NUBPL: variants seen among roughly 807,000 people sequenced by gnomAD.
The protein encoded by NUBPL is NUBP iron-sulfur cluster assembly factor, mitochondrial.
Under a neutral mutation model 45.7 loss-of-function variants are expected in NUBPL, and 31 were observed. The observed-to-expected ratio is 0.68, with a 90% CI of 0.51 to 0.92. The LOEUF is 0.92. NUBPL is among the 40% of genes least tolerant of loss of function. The pLI, the probability that NUBPL is intolerant of heterozygous loss-of-function variation, is 0.00. For synonymous variants in NUBPL, 144 were observed against 140.9 expected, an observed-to-expected ratio of 1.02 and a Z score of -0.15; for missense variants, 401 against 398.7, an observed-to-expected ratio of 1.01 and a Z score of -0.05.
chr14:31,786,053 G>T (rs2039278264), intron 6 of NUBPL, among the ~76,000 whole-genome samples: 1 of 152,096 alleles, frequency 6.6e-6, no homozygotes, highest in Non-Finnish European at 1.5e-5. Context: ...AGCTATTAGG[G>T]AGGCTGAGGT....
intron 4 of NUBPL, among the ~76,000 whole-genome samples, chr14:31,667,510 C>G (rs1182487845): frequency 6.6e-6 from 1 of 151,908 alleles, no homozygotes; most frequent in African/African-American, 2.4e-5. Context: ...TCCTTTAGCT[C>G]AAAGGAGTTT....
At chr14:31,779,287 G>A (rs2039151059) in intron 6 of NUBPL, among the ~76,000 whole-genome samples, 2 of 151,740 alleles carry the variant, frequency 1.3e-5, no homozygotes, top group East Asian at 1.9e-4. Flanking sequence ...GCAGTGAGCC[G>A]AGATGGCGCC....
chr14:31,846,311 C>T (rs1039611499), intron 8 of NUBPL, 160 bp from the exon 9 acceptor site: 12 of 658,298 alleles, frequency 1.8e-5, no homozygotes, highest in Admixed American at 9.2e-5. Flanking sequence ...CTCTTACTAG[C>T]TCATGAGTTC....
chr14:31,597,986 G>C (rs1400539819), intron 3 of NUBPL, among the ~76,000 whole-genome samples: 1 of 152,084 alleles, frequency 6.6e-6, no homozygotes, highest in African/African-American at 2.4e-5. Flanking sequence ...CTCATTGACT[G>C]TTCCTCCCTT....
intron 6 of NUBPL, among the ~76,000 whole-genome samples, chr14:31,747,072 CAAAAAAAAAAAA>C (rs371061163): frequency 1.5e-5 from 1 of 65,536 alleles, no homozygotes; most frequent in East Asian, 4.7e-4. Context: ...AACCTGTCTC[CAAAAAAAAAAAA>C]AAAAAAAAAG....
intron 7 of NUBPL, among the ~76,000 whole-genome samples, chr14:31,817,509 G>T (rs2039941689): frequency 6.6e-6 from 1 of 152,182 alleles, no homozygotes; most frequent in South Asian, 2.1e-4. Flanking sequence ...CCAGAAGAGA[G>T]TAGTAGCCAA....
chr14:31,630,170 A>G (rs1007092247), intron 4 of NUBPL, among the ~76,000 whole-genome samples: 3 of 152,224 alleles, frequency 2.0e-5, no homozygotes, highest in South Asian at 2.1e-4. Flanking sequence ...GACTTGTGAA[A>G]AGAGAGACAA....
In NUBPL at chr14:31,771,795, C is replaced by T. The variant is rs557489957; in HGVS notation, c.514-15985C>T. 6.1e-6 allele frequency: 5 copies of T among 824,398 alleles called. No individual in the cohort carries two copies. In the South Asian group the frequency reaches 2.2e-4, roughly 37 times the overall value. The allele number at this position is 824,398 out of a possible 1,614,324, so 51.1% of individuals were successfully genotyped here. A position where few individuals can be genotyped will look rare whatever the true frequency, so the allele number is the denominator to read the frequency against. On this transcript the variant is annotated intron_variant, in intron 6 of 10. Transcript: ENST00000281081. ...CCTTGTGCTCTCCTTTACCTATTAC[C>T]CCACTTCTTCCATTTACCAGCCCAT...
At chr14:31,681,681 A>G (rs1002570714) in intron 6 of NUBPL, among the ~76,000 whole-genome samples, 3 of 152,072 alleles carry the variant, frequency 2.0e-5, no homozygotes, top group African/African-American at 4.8e-5. Context: ...AGTTAAGGCT[A>G]TAAATTTATC....
At chr14:31,773,762 A>G (rs1343831177) in intron 6 of NUBPL, among the ~76,000 whole-genome samples, 3 of 152,232 alleles carry the variant, frequency 2.0e-5, no homozygotes, top group Non-Finnish European at 2.9e-5. Context: ...AGCAAACTTG[A>G]TTATAGAATA....
rs557979325 is a variant in NUBPL, at chr14:31,573,207, C to G, written c.291+8159C>G. ...ACTAGGCAATGGGAATCTTTTAGCT[C>G]CATTATAATCTTATGTCACCACCGT... On this transcript the variant is annotated intron_variant, in intron 3 of 10. Coordinates refer to ENST00000281081, the MANE Select transcript of NUBPL (RefSeq NM_025152.3). Among the ~76,000 whole-genome samples, 7 of 152,262 alleles carry G rather than the reference C, an allele frequency of 4.6e-5. No individual in the cohort carries two copies. In the South Asian group the frequency reaches 1.5e-3, roughly 32 times the overall value.
chr14:31,665,164 C>CA (rs1177624904), intron 4 of NUBPL, among the ~76,000 whole-genome samples: 2 of 151,836 alleles, frequency 1.3e-5, no homozygotes, highest in Admixed American at 6.6e-5. Context: ...TTAATCTTTT[C>CA]AAAAAAACCA....
intron 7 of NUBPL, 111 bp downstream of exon 7, chr14:31,787,984 C>T (rs2039314248): frequency 1.4e-6 from 1 of 704,044 alleles, no homozygotes; most frequent in Admixed American, 2.3e-5. Context: ...AATATTCATT[C>T]ACTTATAAAT....
In NUBPL at chr14:31,860,351, C is replaced by T. The variant is rs994872636; in HGVS notation, c.*1171C>T. 1.4e-4 allele frequency: 21 copies of T among 145,698 alleles called. No homozygotes were observed. The highest frequency in any genetic ancestry group is 3.0e-5 in the Non-Finnish European group (2 of 66,496). The allele number at this position is 145,698 out of a possible 1,614,324, so 9.0% of individuals were successfully genotyped here. A position where few individuals can be genotyped will look rare whatever the true frequency, so the allele number is the denominator to read the frequency against. On this transcript the variant is annotated 3_prime_UTR_variant, in exon 11 of 11. Coordinates refer to ENST00000281081, the MANE Select transcript of NUBPL (RefSeq NM_025152.3). Reference sequence around the variant, plus strand: ...AAGTCGGGGGAGATGCAATATTTAGCATTTCCTCAAACTTTTTTTGGCCAT... The same window carrying T: ...AAGTCGGGGGAGATGCAATATTTAGTATTTCCTCAAACTTTTTTTGGCCAT...
At chr14:31,764,534 A>G (rs776769949) in intron 6 of NUBPL, among the ~76,000 whole-genome samples, 1 of 152,192 alleles carries the variant, frequency 6.6e-6, no homozygotes, top group Non-Finnish European at 1.5e-5. Context: ...ATGCATATTA[A>G]TGTGTGATCT....
intron 6 of NUBPL, among the ~76,000 whole-genome samples, chr14:31,784,435 C>G (rs941460961): frequency 4.1e-4 from 62 of 152,210 alleles, no homozygotes; most frequent in African/African-American, 1.4e-3. Context: ...GGGAAGGAAC[C>G]TTCCCTGACA....
In NUBPL at chr14:31,755,855, C is replaced by T. The variant is rs542884929; in HGVS notation, c.514-31925C>T. Among the ~76,000 whole-genome samples the T allele has an allele frequency of 6.5e-3, 981 of 150,472 alleles. 11 individuals are homozygous for T. The highest frequency in any genetic ancestry group is 0.023 in the African/African-American group (920 of 40,784). On this transcript the variant is annotated intron_variant, in intron 6 of 10. Transcript: ENST00000281081. The stretch of plus-strand genomic sequence containing the variant: ...AGGTCTAACGTTTAAGTCTTTAATC[C>T]ATCTTGAATTAATTTTTGTATAAGG...
At chr14:31,773,000 A>G (rs2039036250) in intron 6 of NUBPL, among the ~76,000 whole-genome samples, 1 of 152,180 alleles carries the variant, frequency 6.6e-6, no homozygotes, top group African/African-American at 2.4e-5. Flanking sequence ...ATATGTTTTC[A>G]TTTTATAACT....
chr14:31,730,672 T>G (rs1255775106), intron 6 of NUBPL, among the ~76,000 whole-genome samples: 1 of 152,084 alleles, frequency 6.6e-6, no homozygotes, highest in African/African-American at 2.4e-5. Context: ...TTCACCGTGT[T>G]AGCCAGGATG....
Sources: allele counts gnomAD v4.1 joint callset (sites outside exome capture counted in the v4.1 genomes callset), GRCh38; gene constraint gnomAD v4.1.1; transcripts MANE v1.5; gene names NCBI Gene and HGNC (gene_info 2026-07-23, HGNC 2026-07-21).